Variants in RYR3 observed in about 807,000 individuals in gnomAD.
The protein encoded by RYR3 is ryanodine receptor 3.
In RYR3, 207 loss-of-function variants were observed where a neutral mutation model predicts 584.3. That is an observed-to-expected ratio of 0.35 (90% CI 0.32 to 0.40). The LOEUF (loss-of-function observed/expected upper bound fraction) is 0.40. Ranked by LOEUF, RYR3 falls within the 10% of genes least tolerant of loss-of-function variation. The pLI, the probability that RYR3 is intolerant of heterozygous loss-of-function variation, is 1.00. For missense variants in RYR3, 5,616 were observed against 6,089.2 expected, an observed-to-expected ratio of 0.92 and a Z score of 2.59; for synonymous variants, 2,416 against 2,248.5, an observed-to-expected ratio of 1.07 and a Z score of -2.11.
At chr15:33,417,536 T>C (rs1480505180) in intron 1 of RYR3, among the ~76,000 whole-genome samples, 1 of 152,234 alleles carries the variant, frequency 6.6e-6, no homozygotes, top group Admixed American at 6.5e-5. Flanking sequence ...ACATTGATTT[T>C]TGTATCCTGA....
chr15:33,698,025 A>G, intron 40 of RYR3, 29 bp downstream of exon 40: 1 of 1,502,164 alleles, frequency 6.7e-7, no homozygotes, highest in South Asian at 1.1e-5. Context: ...CCTAGCCAGA[A>G]CTTGTCCCTT....
At chr15:33,614,374 C>T (rs2060345686) in intron 19 of RYR3, among the ~76,000 whole-genome samples, 1 of 151,932 alleles carries the variant, frequency 6.6e-6, no homozygotes, top group South Asian at 2.1e-4. Flanking sequence ...CTAATGATTT[C>T]AGATAAAGGA....
intron 38 of RYR3, among the ~76,000 whole-genome samples, chr15:33,676,679 C>T (rs2064200469): frequency 6.6e-6 from 1 of 152,148 alleles, no homozygotes; most frequent in Admixed American, 6.5e-5. Context: ...TTTGCCTTGA[C>T]ACCCTGCATG....
At chr15:33,773,004 A>G (rs1189904496) in intron 63 of RYR3, among the ~76,000 whole-genome samples, 2 of 152,234 alleles carry the variant, frequency 1.3e-5, no homozygotes, top group South Asian at 2.1e-4. Flanking sequence ...TGATAAAATC[A>G]TACTATTGAA....
At chr15:33,580,465 TTAC>T (rs5811779) in intron 13 of RYR3, among the ~76,000 whole-genome samples, 26,333 of 152,060 alleles carry the variant, frequency 0.17, 3,851 homozygotes, top group African/African-American at 0.4. Context: ...AACGTTAGAA[TTAC>T]CTGGGAAACC....
intron 1 of RYR3, among the ~76,000 whole-genome samples, chr15:33,400,846 CTTTTA>C (rs2042613400): frequency 6.6e-6 from 1 of 152,148 alleles, no homozygotes; most frequent in African/African-American, 2.4e-5. Context: ...TCTGAACCTT[CTTTTA>C]TAAGTATTGC....
At chr15:33,545,786 C>T (rs1034840952) in intron 8 of RYR3, among the ~76,000 whole-genome samples, 3 of 152,144 alleles carry the variant, frequency 2.0e-5, no homozygotes, top group African/African-American at 7.2e-5. Context: ...TAAAAGACTC[C>T]AGCAGCCACT....
intron 40 of RYR3, among the ~76,000 whole-genome samples, chr15:33,698,438 G>A (rs1680562090): frequency 6.6e-6 from 1 of 152,302 alleles, no homozygotes; most frequent in South Asian, 2.1e-4. Flanking sequence ...AAGAAGCCAG[G>A]TTTCCTTGCC....
intron 64 of RYR3, among the ~76,000 whole-genome samples, chr15:33,775,901 C>G (rs369074506): frequency 1.3e-5 from 2 of 152,338 alleles, no homozygotes; most frequent in South Asian, 2.1e-4. Context: ...AGTCCTCTTC[C>G]AGGTCTGGAA....
At chr15:33,504,890 G>A (rs570394822) in intron 3 of RYR3, among the ~76,000 whole-genome samples, 3 of 152,216 alleles carry the variant, frequency 2.0e-5, no homozygotes, top group Admixed American at 6.5e-5. Context: ...TAATCCCTAC[G>A]TATCCTTCAA....
chr15:33,580,423 A>G (rs1480544467), intron 13 of RYR3, among the ~76,000 whole-genome samples: 1 of 152,140 alleles, frequency 6.6e-6, no homozygotes, highest in East Asian at 1.9e-4. Context: ...CTGTGAGAGC[A>G]TGACATTGGC....
intron 8 of RYR3, among the ~76,000 whole-genome samples, chr15:33,546,954 A>G (rs2056290049): frequency 6.6e-6 from 1 of 152,210 alleles, no homozygotes; most frequent in South Asian, 2.1e-4. Flanking sequence ...AAGTTAGTGA[A>G]TGTAAATGCA....
At chr15:33,706,492 G>A (rs1018548311) in intron 42 of RYR3, among the ~76,000 whole-genome samples, 5 of 152,076 alleles carry the variant, frequency 3.3e-5, no homozygotes, top group Non-Finnish European at 7.4e-5. Flanking sequence ...TACGGTATTT[G>A]TCTTTTTGTG....
intron 27 of RYR3, among the ~76,000 whole-genome samples, chr15:33,642,917 C>T (rs562002042): frequency 1.1e-4 from 17 of 152,288 alleles, no homozygotes; most frequent in African/African-American, 3.8e-4. Context: ...CATTTAGACA[C>T]GGTATTAAAC....
rs2065215692 is a variant in RYR3 at position 33,689,000 on chromosome 15, A to G, written c.5861-7218A>G. Among the ~76,000 whole-genome samples, 3 of 152,146 alleles carry G rather than the reference A, an allele frequency of 2.0e-5. 1 individual carries two copies. The highest frequency in any genetic ancestry group is 7.2e-5 in the African/African-American group (3 of 41,424). On this transcript the variant is annotated intron_variant, in intron 38 of 103. Coordinates refer to ENST00000634891, the MANE Select transcript of RYR3 (RefSeq NM_001036.6). ...CAAATGTCCATCAATGATAGACTAG[A>G]TTAAGAAAATGTGGCACATAAACAC...
At chr15:33,374,361 T>C (rs1218886489) in intron 1 of RYR3, among the ~76,000 whole-genome samples, 1 of 120,460 alleles carries the variant, frequency 8.3e-6, no homozygotes, top group Non-Finnish European at 1.7e-5. Context: ...CCTGTACGAG[T>C]GTATGTGTGT....
intron 1 of RYR3, among the ~76,000 whole-genome samples, chr15:33,346,829 T>A (rs896209098): frequency 1.3e-5 from 2 of 152,138 alleles, no homozygotes; most frequent in Admixed American, 1.3e-4. Flanking sequence ...TTTTTAAAAT[T>A]ACTAGGCTTT....
At chr15:33,845,548 C>T (rs943682633) in intron 93 of RYR3, among the ~76,000 whole-genome samples, 2 of 152,172 alleles carry the variant, frequency 1.3e-5, no homozygotes, top group African/African-American at 4.8e-5. Context: ...GCCACTGCGC[C>T]CAGCCCCTAA....
intron 12 of RYR3, among the ~76,000 whole-genome samples, chr15:33,569,964 G>A (rs1290310781): frequency 1.3e-5 from 2 of 151,894 alleles, no homozygotes; most frequent in Non-Finnish European, 2.9e-5. Flanking sequence ...AGAGTTCTTT[G>A]TACCTTCTGA....
Sources: gnomAD v4.1 joint callset for allele counts (sites outside exome capture counted in the v4.1 genomes callset) on GRCh38, gnomAD v4.1.1 for gene constraint, MANE v1.5 for transcripts, NCBI Gene and HGNC (gene_info 2026-07-23, HGNC 2026-07-21) for gene names.